SORCS1: variants seen among roughly 807,000 people sequenced by gnomAD.
SORCS1 encodes the protein VPS10 domain-containing receptor SorCS1.
A neutral mutation model predicts 146.1 loss-of-function variants in SORCS1; 60 were observed. The ratio of observed to expected loss-of-function variants is 0.41; its 90% CI spans 0.33 to 0.51. The LOEUF (loss-of-function observed/expected upper bound fraction) is 0.51. Ranked by LOEUF, SORCS1 falls within the 20% of genes least tolerant of loss-of-function variation. SORCS1 has a pLI of 0.21. For synonymous variants in SORCS1, 637 were observed against 584.0 expected (o/e 1.09, Z -1.31); for missense variants, 1,352 against 1,487.6 (o/e 0.91, Z 1.50).
chr10:106,989,271 G>GA (rs1161174866), intron 1 of SORCS1, among the ~76,000 whole-genome samples: 1,510 of 75,608 alleles, frequency 0.02, 150 homozygotes, highest in African/African-American at 0.057. Context: ...CTCCACCTCA[G>GA]AAAAAAAAAA....
Position 106,790,475 on chromosome 10 carries a change from T to C in SORCS1, c.727-13783A>G, listed in dbSNP as rs187455357. ...TAATCGTGTGTAAGAAAACAGGAAC[T>C]AAGGAAGGGCAAGGAAGCAATCAAA... On this transcript the variant is annotated intron_variant, in intron 3 of 25. Transcript: ENST00000263054. 2.4e-3 allele frequency among the ~76,000 whole-genome samples: 361 copies of C among 152,254 alleles called. 3 individuals are homozygous for C. The highest frequency in any genetic ancestry group is 6.3e-4 in the Non-Finnish European group (43 of 68,018).
chr10:106,840,206 G>A (rs1427185883), intron 2 of SORCS1, among the ~76,000 whole-genome samples: 1 of 152,212 alleles, frequency 6.6e-6, no homozygotes, highest in Non-Finnish European at 1.5e-5. Context: ...CCTTTTGGAA[G>A]GGATTCACCA....
intron 24 of SORCS1, among the ~76,000 whole-genome samples, chr10:106,584,269 A>G (rs1459064683): frequency 6.6e-6 from 1 of 152,226 alleles, no homozygotes; most frequent in Non-Finnish European, 1.5e-5. Flanking sequence ...CCCTCCATTT[A>G]GAAACAAATC....
At chr10:106,707,385 G>T (rs562038966) in intron 7 of SORCS1, among the ~76,000 whole-genome samples, 7 of 151,898 alleles carry the variant, frequency 4.6e-5, no homozygotes, top group African/African-American at 1.2e-4. Flanking sequence ...GAGATGGTGG[G>T]GGGGAGGGTT....
chr10:106,995,008 G>A (rs74558736), intron 1 of SORCS1, among the ~76,000 whole-genome samples: 4,793 of 152,130 alleles, frequency 0.032, 233 homozygotes, highest in African/African-American at 0.11. Context: ...GTGGATATTA[G>A]CAGTTAAAAA....
chr10:107,149,320 T>C (rs1390293087), intron 1 of SORCS1, among the ~76,000 whole-genome samples: 2 of 152,230 alleles, frequency 1.3e-5, no homozygotes, highest in Non-Finnish European at 2.9e-5. Context: ...TGGCAAGGCA[T>C]AACTAAGTTT....
chr10:106,645,742 T>TA (rs929248390), intron 18 of SORCS1, among the ~76,000 whole-genome samples: 82 of 152,136 alleles, frequency 5.4e-4, no homozygotes, highest in African/African-American at 1.7e-3. Context: ...ATAAAAATAA[T>TA]AAAAAACATA....
intron 24 of SORCS1, among the ~76,000 whole-genome samples, chr10:106,584,274 C>T (rs1427486897): frequency 6.6e-6 from 1 of 152,116 alleles, no homozygotes; most frequent in Non-Finnish European, 1.5e-5. Flanking sequence ...CATTTAGAAA[C>T]AAATCCAATC....
chr10:106,670,355 C>T (rs1456913637), intron 16 of SORCS1, among the ~76,000 whole-genome samples: 1 of 152,224 alleles, frequency 6.6e-6, no homozygotes, highest in Non-Finnish European at 1.5e-5. Context: ...CTCTAAATGT[C>T]TCAGTACTTC....
At chr10:107,176,499 C>T in the SORCS1 span, among the ~76,000 whole-genome samples, 1 of 151,938 alleles carries the variant, frequency 6.6e-6, no homozygotes, top group Non-Finnish European at 1.5e-5. Context: ...CTACGCCTGG[C>T]TAATTTTTTT....
chr10:107,154,008 C>CTTTTTTTTTTTTTTTTTTTT (rs71025579), intron 1 of SORCS1, among the ~76,000 whole-genome samples: 5 of 94,038 alleles, frequency 5.3e-5, no homozygotes, highest in Non-Finnish European at 6.3e-5. Context: ...CTTTTCTTTT[C>CTTTTTTTTTTTTTTTTTTTT]TTTTTTTTTT....
chr10:107,026,491 C>T (rs1262801133), intron 1 of SORCS1, among the ~76,000 whole-genome samples: 4 of 151,834 alleles, frequency 2.6e-5, no homozygotes, highest in South Asian at 2.1e-4. Flanking sequence ...TGGTGGTGGG[C>T]GCCTGTAGCC....
At chr10:107,089,557 T>C (rs183536681) in intron 1 of SORCS1, among the ~76,000 whole-genome samples, 22 of 152,328 alleles carry the variant, frequency 1.4e-4, no homozygotes, top group Non-Finnish European at 2.6e-4. Context: ...TTCTCACTGC[T>C]GTATCCTCAT....
chr10:107,011,796 T>C (rs183837041), intron 1 of SORCS1, among the ~76,000 whole-genome samples: 1 of 152,188 alleles, frequency 6.6e-6, no homozygotes, highest in Non-Finnish European at 1.5e-5. Flanking sequence ...CCAGGCTGTT[T>C]TACTGTATGC....
chr10:106,788,224 A>C (rs1372661142), intron 3 of SORCS1, among the ~76,000 whole-genome samples: 1 of 152,182 alleles, frequency 6.6e-6, no homozygotes, highest in Non-Finnish European at 1.5e-5. Flanking sequence ...TTCAACACCC[A>C]GGAATTACAA....
At chr10:106,776,436 A>G in intron 4 of SORCS1, 98 bp downstream of exon 4, 1 of 1,502,536 alleles carries the variant, frequency 6.7e-7, no homozygotes, top group Non-Finnish European at 9.1e-7. Flanking sequence ...GCTCAGAACA[A>G]AAATGATCAC....
rs1955192775 is a variant in SORCS1 at position 106,960,911 on chromosome 10, C to A, written c.559-4331G>T. Among the ~76,000 whole-genome samples the A allele has an allele frequency of 6.6e-6, 1 of 152,156 alleles. No individual in the cohort carries two copies. Among genetic ancestry groups the A allele is most frequent in the Non-Finnish European group, 1.5e-5 (1 of 68,038 alleles). ...ACCCGGGCTCCCAAACTATTAGTGACCCTTTGCTCAGGCCCTTACAAAGCT... is the reference window on the plus strand; with the variant it reads ...ACCCGGGCTCCCAAACTATTAGTGAACCTTTGCTCAGGCCCTTACAAAGCT... On this transcript the variant is annotated intron_variant, in intron 1 of 25. Transcript: ENST00000263054. The surrounding 1 kb of genome is among the most constrained non-coding windows in gnomAD (Gnocchi z 4.4).
At chr10:107,022,584 C>T (rs979153345) in intron 1 of SORCS1, among the ~76,000 whole-genome samples, 1 of 152,040 alleles carries the variant, frequency 6.6e-6, no homozygotes, top group African/African-American at 2.4e-5. Flanking sequence ...CTAACACCTC[C>T]ACTGTTATGT....
chr10:106,699,169 C>G, intron 9 of SORCS1, 45 bp downstream of exon 9: 2 of 1,517,280 alleles, frequency 1.3e-6, no homozygotes, highest in Non-Finnish European at 1.8e-6. Context: ...CATCAGCCAG[C>G]TGGGCACTGC....
Sources: gnomAD v4.1 joint callset for allele counts (sites outside exome capture counted in the v4.1 genomes callset) on GRCh38, gnomAD v4.1.1 for gene constraint, Gnocchi (gnomAD v3.1) non-coding constraint, MANE v1.5 for transcripts, NCBI Gene and HGNC (gene_info 2026-07-23, HGNC 2026-07-21) for gene names.